Variants in KPNB1 observed in about 807,000 individuals in gnomAD.
KPNB1 encodes the protein importin subunit beta-1.
In KPNB1, 7 loss-of-function variants were observed where a neutral mutation model predicts 113.0. That is an observed-to-expected ratio of 0.06 (90% confidence interval 0.04 to 0.12). KPNB1 has a LOEUF of 0.12. Among genes scored for constraint, KPNB1 ranks in the 10% least tolerant of loss-of-function variants. KPNB1 has a pLI of 1.00. For missense variants in KPNB1, 400 were observed against 1,054.8 expected (o/e 0.38, Z 8.60); for synonymous variants, 363 against 378.6 (o/e 0.96, Z 0.48).
At chr17:47,679,618 G>A (rs2030711098) in intron 19 of KPNB1, among the ~76,000 whole-genome samples, 1 of 152,214 alleles carries the variant, frequency 6.6e-6, no homozygotes, top group Non-Finnish European at 1.5e-5. Context: ...GTATGATAGG[G>A]GTATAATAGT....
intron 4 of KPNB1, 93 bp from the exon 5 acceptor site, chr17:47,658,415 T>C (rs1308534359): frequency 7.2e-7 from 1 of 1,380,334 alleles, no homozygotes; most frequent in African/African-American, 1.5e-5. Context: ...CCTCTAAATA[T>C]TTTCAATCCA....
chr17:47,651,138 TG>T (rs1250896100), intron 2 of KPNB1: 1 of 820,622 alleles, frequency 1.2e-6, no homozygotes, highest in Non-Finnish European at 1.5e-6. Context: ...ATCTTTGAGA[TG>T]GGGCCTGTTT....
chr17:47,675,774 T>A (rs1200119191), intron 15 of KPNB1, among the ~76,000 whole-genome samples: 1 of 152,198 alleles, frequency 6.6e-6, no homozygotes, highest in Non-Finnish European at 1.5e-5. Flanking sequence ...GAATCTGATA[T>A]GCCTTTTCAG....
chr17:47,673,333 G>A (rs1459269762), intron 13 of KPNB1, among the ~76,000 whole-genome samples, 157 bp from the exon 14 acceptor site: 1 of 152,190 alleles, frequency 6.6e-6, no homozygotes, highest in East Asian at 1.9e-4. Flanking sequence ...AGCATTGTTT[G>A]TCATGGTTTA....
At position 47,680,070 on chromosome 17, in the gene KPNB1, G is replaced by A. The variant is rs1216423526; in HGVS notation, c.2404G>A (p.Asp802Asn). The A allele has an allele frequency of 6.2e-7, 1 of 1,613,984 alleles. No homozygotes were observed. The highest frequency in any genetic ancestry group is 8.5e-7 in the Non-Finnish European group (1 of 1,179,876). The change falls in exon 20 of 22, where the codon GAC becomes AAC. Residue 802 changes from aspartate (D) to asparagine (N), a missense_variant. Asp to Asn is a conservative substitution (Grantham distance 23). Coordinates refer to ENST00000290158, the MANE Select transcript of KPNB1 (RefSeq NM_002265.6). Reference sequence around the variant, plus strand: ...AGTAGAATTTATTCTGTCTTTCATTGACCACATTGCTGGAGATGAGGATCA... The same window carrying A: ...AGTAGAATTTATTCTGTCTTTCATTAACCACATTGCTGGAGATGAGGATCA... ...PRVEFILSFI[D>N]HIAGDEDHTD...
intron 21 of KPNB1, among the ~76,000 whole-genome samples, chr17:47,681,511 A>C (rs1271047874): frequency 6.6e-6 from 1 of 150,742 alleles, no homozygotes; most frequent in African/African-American, 2.4e-5. Flanking sequence ...TGACCTCGTG[A>C]TCCACCCACC....
intron 7 of KPNB1, 50 bp downstream of exon 7, chr17:47,663,228 C>T (rs763584726): frequency 1.1e-6 from 1 of 947,110 alleles, no homozygotes. Context: ...TTACAGAGCC[C>T]ATCATCCTTA....
At chr17:47,650,561 TC>T (rs1220708651) in intron 2 of KPNB1, 117 bp downstream of exon 2, 35 of 405,872 alleles carry the variant, frequency 8.6e-5, no homozygotes, top group East Asian at 3.1e-4. Flanking sequence ...CCCGTCCCCC[TC>T]CCCCCTCCCC....
intron 19 of KPNB1, 196 bp from the exon 20 acceptor site, chr17:47,679,824 G>A: frequency 2.3e-6 from 1 of 436,320 alleles, no homozygotes; most frequent in South Asian, 2.3e-5. Context: ...AGCCTCCTGA[G>A]TAGCTGGGAC....
intron 3 of KPNB1, among the ~76,000 whole-genome samples, chr17:47,655,570 A>G (rs1915695207): frequency 6.6e-6 from 1 of 151,618 alleles, no homozygotes; most frequent in South Asian, 2.1e-4. Context: ...TAGTGATTAG[A>G]AGGAAAAAGT....
chr17:47,680,514 A>G lies in KPNB1; in HGVS notation c.2475A>G (p.Leu825=). Residue 825 remains leucine, a synonymous_variant, in exon 21 of 22, where the codon TTA becomes TTG. Transcript: ENST00000290158. The part of the protein sequence containing the change: ...VACAAGLIGD[L]CTAFGKDVLK... ...CTGTGTTTGTTTTGCACAGGGACTT[A>G]TGTACAGCATTTGGGAAGGATGTAC... 6.2e-7 allele frequency: 1 copy of G among 1,614,202 alleles called. No individual in the cohort carries two copies. The highest frequency in any genetic ancestry group is 8.5e-7 in the Non-Finnish European group (1 of 1,180,012).
At chr17:47,669,035 A>G (rs1448795356) in intron 10 of KPNB1, among the ~76,000 whole-genome samples, 3 of 150,438 alleles carry the variant, frequency 2.0e-5, no homozygotes, top group Admixed American at 6.6e-5. Context: ...GTCTTTCTGG[A>G]TATAGCCAGA....
intron 15 of KPNB1, among the ~76,000 whole-genome samples, chr17:47,675,361 G>GTTGTTTTTTTTTTTTTTTTTTTT (rs1567894260): frequency 1.5e-4 from 13 of 88,690 alleles, no homozygotes; most frequent in Admixed American, 3.4e-4. Context: ...CAGAGGTGTT[G>GTTGTTTTTTTTTTTTTTTTTTTT]TTTTTTTTTT....
At chr17:47,657,345 T>C (rs1423762696) in intron 4 of KPNB1, among the ~76,000 whole-genome samples, 3 of 152,370 alleles carry the variant, frequency 2.0e-5, no homozygotes, top group South Asian at 2.1e-4. Context: ...GGATTATCCC[T>C]GACCCAGTCT....
intron 15 of KPNB1, among the ~76,000 whole-genome samples, chr17:47,675,885 G>C (rs1459857283): frequency 1.3e-5 from 2 of 152,186 alleles, no homozygotes; most frequent in Non-Finnish European, 2.9e-5. Context: ...CAACTGGTCT[G>C]TCAACATGTG....
At chr17:47,659,510 T>C (rs1305996628) in intron 5 of KPNB1, among the ~76,000 whole-genome samples, 4 of 152,270 alleles carry the variant, frequency 2.6e-5, no homozygotes, top group African/African-American at 9.6e-5. Context: ...CCCAACACTT[T>C]GGGCCACCAA....
At chr17:47,654,594 G>A (rs1915669362) in intron 3 of KPNB1, among the ~76,000 whole-genome samples, 1 of 152,096 alleles carries the variant, frequency 6.6e-6, no homozygotes, top group African/African-American at 2.4e-5. Context: ...ACAATTGGGA[G>A]CTAGTTTCTC....
intron 17 of KPNB1, among the ~76,000 whole-genome samples, chr17:47,677,472 CAAAAAAAAAAA>C (rs746941632): frequency 5.6e-5 from 3 of 53,274 alleles, no homozygotes; most frequent in African/African-American, 2.0e-4. Context: ...AACTCCGTCT[CAAAAAAAAAAA>C]AAAAAAAAAA....
In KPNB1 at chr17:47,683,112, A is replaced by AAAAAAAAAAAAAAAAC. The variant is rs2030838980; in HGVS notation, c.*715_*716insAAAAAAAACAAAAAAA. On this transcript the variant is annotated 3_prime_UTR_variant, in exon 22 of 22. Transcript: ENST00000290158. ...ATGTAAAAAAAAAAAAAAAAAAAAA[A>AAAAAAAAAAAAAAAAC]AAAAAAACACACACACAGAGGAAAG... The AAAAAAAAAAAAAAAAC allele has an allele frequency of 6.8e-6, 1 of 147,670 alleles. No individual in the cohort carries two copies. The highest frequency in any genetic ancestry group is 1.5e-5 in the Non-Finnish European group (1 of 66,894). The allele number at this position is 147,670 out of a possible 1,614,324, so 9.1% of individuals were successfully genotyped here.
Sources: allele counts gnomAD v4.1 joint callset (sites outside exome capture counted in the v4.1 genomes callset), GRCh38; gene constraint gnomAD v4.1.1; transcripts MANE v1.5; gene names NCBI Gene and HGNC (gene_info 2026-07-23, HGNC 2026-07-21).